THSD4: variants seen among roughly 807,000 people sequenced by gnomAD.
THSD4 encodes the protein thrombospondin type 1 domain containing 4, also known as thrombospondin type-1 domain-containing protein 4.
A neutral mutation model predicts 119.0 loss-of-function variants in THSD4; 69 were observed. That is an observed-to-expected ratio of 0.58 (90% CI 0.48 to 0.71). The LOEUF is 0.71. THSD4 is among the 30% of genes least tolerant of loss of function. The probability of loss-of-function intolerance (pLI) is 0.00; values close to 1 mark genes in which losing one functional copy is unlikely to be tolerated. For missense variants in THSD4, 1,393 were observed against 1,391.1 expected (o/e 1.00, Z -0.02); for synonymous variants, 524 against 540.4 (o/e 0.97, Z 0.42).
rs755244322 is a variant in THSD4, at chr15:71,771,156, G to T, written c.2862G>T (p.Leu954Phe). Reference protein sequence around the residue: ...MTLSNLCDPQLKPEERESCNP... With the variant: ...MTLSNLCDPQFKPEERESCNP... ...TAAGTAACCTCTGTGACCCTCAGTT[G>T]AAACCAGAAGAGAGAGAATCTTGTA... Residue 954 changes from leucine to phenylalanine, a missense_variant, in exon 17 of 18, where the codon TTG (leucine) becomes TTT (phenylalanine). Transcript: ENST00000261862. 6.2e-6 allele frequency: 10 copies of T among 1,614,068 alleles called. No individual in the cohort carries two copies. The highest frequency in any genetic ancestry group is 8.5e-6 in the Non-Finnish European group (10 of 1,180,054).
At chr15:71,232,881 G>A (rs969848716) in intron 4 of THSD4, among the ~76,000 whole-genome samples, 1 of 152,198 alleles carries the variant, frequency 6.6e-6, no homozygotes, top group Non-Finnish European at 1.5e-5. Flanking sequence ...AAATCCAGTG[G>A]AGAGGGAAGT....
rs188980027 is a variant in THSD4 at position 71,253,413 on chromosome 15, T to A, written c.913-3200T>A. 7.6e-5 allele frequency among the ~76,000 whole-genome samples: 11 copies of A among 144,960 alleles called. No homozygotes were observed. In the East Asian group the frequency reaches 2.0e-3, roughly 26 times the overall value. ...GGGCTCTATACTTATACATTGTCAC[T>A]TTTTTTTTTTTGGAGACAGAGTCTT... On this transcript the variant is annotated intron_variant, in intron 5 of 17. Transcript: ENST00000261862.
intron 1 of THSD4, among the ~76,000 whole-genome samples, chr15:71,129,409 C>T (rs2040483120): frequency 6.6e-6 from 1 of 152,152 alleles, no homozygotes; most frequent in Non-Finnish European, 1.5e-5. Flanking sequence ...ACAAGGAAGA[C>T]AGAAGAGACA....
At chr15:71,412,809 C>T (rs1438439317) in intron 7 of THSD4, among the ~76,000 whole-genome samples, 2 of 152,040 alleles carry the variant, frequency 1.3e-5, no homozygotes, top group Admixed American at 1.3e-4. Flanking sequence ...GATTGATATT[C>T]TCAGATTTTT....
At chr15:71,365,560 G>A (rs944751833) in intron 6 of THSD4, among the ~76,000 whole-genome samples, 1 of 152,164 alleles carries the variant, frequency 6.6e-6, no homozygotes, top group Non-Finnish European at 1.5e-5. Context: ...TGGGGGACAA[G>A]GAAGAGGTTT....
intron 7 of THSD4, among the ~76,000 whole-genome samples, chr15:71,618,784 C>T (rs1439008340): frequency 2.0e-5 from 3 of 152,052 alleles, no homozygotes; most frequent in Non-Finnish European, 2.9e-5. Flanking sequence ...CGCCATGTTG[C>T]CCAGGCTGGT....
At chr15:71,438,465 A>G (rs1176180588) in intron 7 of THSD4, among the ~76,000 whole-genome samples, 1 of 152,170 alleles carries the variant, frequency 6.6e-6, no homozygotes, top group African/African-American at 2.4e-5. Context: ...GTTTTCTTTC[A>G]GCAATTTATG....
chr15:71,731,299 C>A, intron 10 of THSD4, 82 bp downstream of exon 10: 1 of 1,347,904 alleles, frequency 7.4e-7, no homozygotes, highest in Non-Finnish European at 1.1e-6. Flanking sequence ...TGCATCCACC[C>A]TCTGTCTCTC....
intron 7 of THSD4, among the ~76,000 whole-genome samples, chr15:71,486,272 C>A (rs2047815127): frequency 6.6e-6 from 1 of 152,062 alleles, no homozygotes; most frequent in African/African-American, 2.4e-5. Context: ...TTTTCCTTAA[C>A]AGCTGTAGTT....
chr15:71,483,126 A>C (rs957998231), intron 7 of THSD4, among the ~76,000 whole-genome samples: 5 of 152,308 alleles, frequency 3.3e-5, no homozygotes, highest in African/African-American at 1.2e-4. Flanking sequence ...TTAAAGAGCT[A>C]TCTTTAATAT....
chr15:71,291,912 C>A (rs139587965), intron 6 of THSD4, among the ~76,000 whole-genome samples: 21 of 152,294 alleles, frequency 1.4e-4, no homozygotes, highest in African/African-American at 4.6e-4. Flanking sequence ...GGGAGCATAG[C>A]TAGCATCCTC....
rs1491223591 is a variant in THSD4 at position 71,447,109 on chromosome 15, A to ATTTTTTTTTT, written c.1152+35294_1152+35295insTTTTTTTTTT. Among the ~76,000 whole-genome samples the ATTTTTTTTTT allele has an allele frequency of 2.4e-4, 17 of 69,474 alleles. 1 individual carries two copies. The highest frequency in any genetic ancestry group is 9.4e-4 in the African/African-American group (17 of 18,158). 45.6% of individuals were successfully genotyped at this position (69,474 alleles called of 152,430 possible). On this transcript the variant is annotated intron_variant, in intron 7 of 17. Coordinates refer to ENST00000261862, the MANE Select transcript of THSD4 (RefSeq NM_024817.3). The stretch of plus-strand genomic sequence containing the variant: ...TGTCCTCTGTTGCCCTCTTCCCTCC[A>ATTTTTTTTTT]TTTTTTTTGTTTTTTTTTTTTTTTT...
At chr15:71,171,276 A>T (rs1039138747) in intron 3 of THSD4, among the ~76,000 whole-genome samples, 4 of 152,302 alleles carry the variant, frequency 2.6e-5, no homozygotes, top group African/African-American at 7.2e-5. Context: ...AAAAAAATTT[A>T]AAAAGCCCTT....
chr15:71,570,793 A>T (rs968897113), intron 7 of THSD4, among the ~76,000 whole-genome samples: 2 of 152,144 alleles, frequency 1.3e-5, no homozygotes, highest in Admixed American at 6.5e-5. Flanking sequence ...CAGTGTCTTC[A>T]ACTGGAAAAT....
At chr15:71,647,884 C>A (rs1287793006) in intron 7 of THSD4, among the ~76,000 whole-genome samples, 3 of 152,110 alleles carry the variant, frequency 2.0e-5, no homozygotes, top group African/African-American at 7.2e-5. Flanking sequence ...TGTGGCCAGG[C>A]CTCGTGGGAG....
At chr15:71,392,634 C>G (rs557900509) in intron 6 of THSD4, among the ~76,000 whole-genome samples, 4 of 152,234 alleles carry the variant, frequency 2.6e-5, no homozygotes, top group African/African-American at 7.2e-5. Flanking sequence ...TCTAATGAAC[C>G]CTGAGGGCCT....
chr15:71,112,590 A>C (rs932426491), upstream of THSD4, among the ~76,000 whole-genome samples: 1 of 152,180 alleles, frequency 6.6e-6, no homozygotes, highest in African/African-American at 2.4e-5. Context: ...GGGGTGACCC[A>C]CCCTCCAAGA....
At chr15:71,746,331 G>C (rs187635421) in intron 12 of THSD4, among the ~76,000 whole-genome samples, 3 of 152,262 alleles carry the variant, frequency 2.0e-5, no homozygotes, top group Admixed American at 1.3e-4. Flanking sequence ...AGCATGTCAA[G>C]TGTCAGGCAA....
rs945362493 is a variant in THSD4 at position 71,658,302 on chromosome 15, G to A, written c.1153-2228G>A. On this transcript the variant is annotated intron_variant, in intron 7 of 17. Coordinates refer to ENST00000261862, the MANE Select transcript of THSD4 (RefSeq NM_024817.3). ...CTCCCAGCAGGCTTGCACTTCAGCC[G>A]TGTCATTCTGTGTTCTTTCCTACCT... is the stretch of plus-strand genomic sequence containing the variant. Among the ~76,000 whole-genome samples the A allele has an allele frequency of 6.6e-4, 100 of 152,196 alleles. 1 individual carries two copies. Among genetic ancestry groups the A allele is most frequent in the African/African-American group, 2.1e-3 (87 of 41,444 alleles).
Sources: allele counts gnomAD v4.1 joint callset (sites outside exome capture counted in the v4.1 genomes callset), GRCh38; gene constraint gnomAD v4.1.1; transcripts MANE v1.5; gene names NCBI Gene and HGNC (gene_info 2026-07-23, HGNC 2026-07-21).